CRY1: variants seen among roughly 807,000 people sequenced by gnomAD.
CRY1 encodes the protein cryptochrome circadian regulator 1, also known as cryptochrome-1.
In CRY1, 45 loss-of-function variants were observed where a neutral mutation model predicts 76.0. The observed-to-expected ratio is 0.59, with a 90% confidence interval of 0.47 to 0.76. The LOEUF is 0.76. CRY1 is among the 30% of genes least tolerant of loss of function. The pLI is 0.00. For synonymous variants in CRY1, 248 were observed against 244.0 expected, an observed-to-expected ratio of 1.02 and a Z score of -0.15; for missense variants, 587 against 716.4, an observed-to-expected ratio of 0.82 and a Z score of 2.06.
chr12:107,089,715 T>G (rs1245558799), intron 1 of CRY1, among the ~76,000 whole-genome samples: 1 of 152,204 alleles, frequency 6.6e-6, no homozygotes, highest in Non-Finnish European at 1.5e-5. Flanking sequence ...AATCACATAT[T>G]GTAAACAGCA....
intron 1 of CRY1, among the ~76,000 whole-genome samples, chr12:107,040,317 G>A (rs1247572552): frequency 5.8e-5 from 4 of 69,490 alleles, no homozygotes; most frequent in Non-Finnish European, 9.7e-5. Context: ...ACGGAGTCTC[G>A]CTCTGTCACC....
chr12:107,001,364 A>C lies in CRY1; in HGVS notation c.600T>G (p.Phe200Leu), dbSNP rs757651822. ...YGVPSLEELG[F>L]DTDGLSSAVW... Reference sequence around the variant, plus strand: ...CTGCAGAGGATAAGCCATCTGTATCAAAACCTACAAGAAAGAAAAGAAAAA... The same window carrying C: ...CTGCAGAGGATAAGCCATCTGTATCCAAACCTACAAGAAAGAAAAGAAAAA... Residue 200 changes from phenylalanine (F) to leucine (L), a missense_variant, in exon 5 of 13, where the codon TTT becomes TTG. Phe to Leu is a conservative substitution (Grantham distance 22). Coordinates refer to ENST00000008527, the MANE Select transcript of CRY1 (RefSeq NM_004075.5). 6.2e-7 allele frequency: 1 copy of C among 1,605,484 alleles called. No homozygotes were observed. The highest frequency in any genetic ancestry group is 2.2e-5 in the East Asian group (1 of 44,786).
At chr12:107,078,814 C>CTAA (rs1347934879) in intron 1 of CRY1, among the ~76,000 whole-genome samples, 1 of 152,152 alleles carries the variant, frequency 6.6e-6, no homozygotes, top group Admixed American at 6.6e-5. Context: ...GAGGATCTTA[C>CTAA]ACTCTACTTT....
chr12:107,031,357 A>G (rs1952671479), intron 1 of CRY1, among the ~76,000 whole-genome samples: 1 of 152,064 alleles, frequency 6.6e-6, no homozygotes, highest in African/African-American at 2.4e-5. Flanking sequence ...GCTTTAGTAA[A>G]TAAGACATAA....
intron 1 of CRY1, among the ~76,000 whole-genome samples, chr12:107,029,446 T>A (rs1421736378): frequency 6.6e-6 from 1 of 151,806 alleles, no homozygotes; most frequent in Non-Finnish European, 1.5e-5. Flanking sequence ...ACAAAAAAAC[T>A]AGCTGGGCGT....
rs144806092 is a variant in CRY1 at position 107,069,947 on chromosome 12, C to T, written c.158+22857G>A. Among the ~76,000 whole-genome samples, 57 of 151,878 alleles carry T rather than the reference C, an allele frequency of 3.8e-4. No homozygotes were observed. The East Asian group carries it at 7.7e-3, about 21-fold the overall frequency. ...TAAAAGAATCAAACATCAGTTTATG[C>T]TTATTAGATCAGTAAAGTTTATAAA... On this transcript the variant is annotated intron_variant, in intron 1 of 12. Transcript: ENST00000008527.
At chr12:107,063,109 G>A (rs181002231) in intron 1 of CRY1, among the ~76,000 whole-genome samples, 232 of 152,256 alleles carry the variant, frequency 1.5e-3, no homozygotes, top group African/African-American at 5.1e-3. Flanking sequence ...CAGCAGTGAG[G>A]AAGATCTTGG....
At chr12:107,059,655 T>G (rs916724282) in intron 1 of CRY1, among the ~76,000 whole-genome samples, 1 of 151,700 alleles carries the variant, frequency 6.6e-6, no homozygotes, top group African/African-American at 2.4e-5. Context: ...TCAAACAAAA[T>G]CCATGATATC....
chr12:107,026,004 T>TA (rs745976409), intron 1 of CRY1, among the ~76,000 whole-genome samples: 2 of 149,564 alleles, frequency 1.3e-5, no homozygotes, highest in Non-Finnish European at 3.0e-5. Context: ...TCTTCCATCT[T>TA]AAAGTCACTT....
At chr12:107,033,761 G>A (rs894515369) in intron 1 of CRY1, among the ~76,000 whole-genome samples, 1 of 151,284 alleles carries the variant, frequency 6.6e-6, no homozygotes, top group African/African-American at 2.4e-5. Flanking sequence ...AAAATACTTA[G>A]GGAAAACAGC....
intron 1 of CRY1, among the ~76,000 whole-genome samples, chr12:107,062,039 A>AG: frequency 6.7e-6 from 1 of 149,804 alleles, no homozygotes; most frequent in African/African-American, 2.4e-5. Context: ...AAAAAAAAAA[A>AG]AAAAAGAAAA....
At chr12:107,045,465 A>AT (rs1952838840) in intron 1 of CRY1, among the ~76,000 whole-genome samples, 1 of 152,138 alleles carries the variant, frequency 6.6e-6, no homozygotes, top group Non-Finnish European at 1.5e-5. Context: ...AGAGACAAGC[A>AT]TGGCCAACGT....
intron 1 of CRY1, among the ~76,000 whole-genome samples, chr12:107,025,856 C>A (rs1465795256): frequency 6.6e-6 from 1 of 151,492 alleles, no homozygotes; most frequent in Non-Finnish European, 1.5e-5. Flanking sequence ...CTACCTCATA[C>A]CCCTTTCTCT....
chr12:107,074,925 G>C (rs971791627), intron 1 of CRY1, among the ~76,000 whole-genome samples: 4 of 152,136 alleles, frequency 2.6e-5, no homozygotes, highest in African/African-American at 9.7e-5. Flanking sequence ...TGAGGCAGGA[G>C]AATCGCTTGA....
chr12:107,061,393 G>A (rs1953045259), intron 1 of CRY1, among the ~76,000 whole-genome samples: 1 of 147,488 alleles, frequency 6.8e-6, no homozygotes, highest in South Asian at 2.2e-4. Context: ...TTTTTTTTAA[G>A]ATGGAGTCTC....
intron 1 of CRY1, among the ~76,000 whole-genome samples, chr12:107,040,266 CTTT>C (rs1245722142): frequency 1.0e-4 from 12 of 119,854 alleles, no homozygotes; most frequent in African/African-American, 3.3e-4. Context: ...TGAATACTTT[CTTT>C]CCTTTTTTTT....
intron 1 of CRY1, 115 bp from the exon 2 acceptor site, chr12:107,022,307 C>G: frequency 2.0e-6 from 1 of 504,748 alleles, no homozygotes; most frequent in Non-Finnish European, 3.4e-6. Context: ...ATCTTATTAC[C>G]TCCTATTGAT....
intron 1 of CRY1, among the ~76,000 whole-genome samples, chr12:107,045,864 A>C (rs1039455780): frequency 4.6e-5 from 7 of 152,150 alleles, no homozygotes; most frequent in African/African-American, 1.7e-4. Context: ...AATGTAAATG[A>C]TAAGTTAATG....
rs573397900 is a variant in CRY1, at chr12:107,047,893, G to GA, written c.159-25702dup. Among the ~76,000 whole-genome samples, 88 of 151,554 alleles carry GA rather than the reference G, an allele frequency of 5.8e-4. No homozygotes were observed. In the East Asian group the frequency reaches 0.014, roughly 24 times the overall value. ...ACAAAGCAAACCCAAAATTCATAGAGAAAAAAACCAATCAAGGTTGGTGCA... is the reference window on the plus strand; with the variant it reads ...ACAAAGCAAACCCAAAATTCATAGAGAAAAAAAACCAATCAAGGTTGGTGCA... On this transcript the variant is annotated intron_variant, in intron 1 of 12. Coordinates refer to ENST00000008527, the MANE Select transcript of CRY1 (RefSeq NM_004075.5).
Sources: allele counts gnomAD v4.1 joint callset (sites outside exome capture counted in the v4.1 genomes callset), GRCh38; gene constraint gnomAD v4.1.1; transcripts MANE v1.5; gene names NCBI Gene and HGNC (gene_info 2026-07-23, HGNC 2026-07-21).